The following RPH3A variants were observed in gnomAD, a reference collection of about 807,000 sequenced individuals.
RPH3A encodes the protein rabphilin-3A.
Under a neutral mutation model 102.2 loss-of-function variants are expected in RPH3A, and 48 were observed. That is an observed-to-expected ratio of 0.47 (90% confidence interval 0.37 to 0.60). The LOEUF (loss-of-function observed/expected upper bound fraction) is 0.60. Ranked by LOEUF, RPH3A falls within the 20% of genes least tolerant of loss-of-function variation. The pLI is 0.00. For synonymous variants in RPH3A, 310 were observed against 324.3 expected, an observed-to-expected ratio of 0.96 and a Z score of 0.47; for missense variants, 781 against 910.1, an observed-to-expected ratio of 0.86 and a Z score of 1.83.
chr12:112,732,692 A>T (rs1206635256), intron 1 of RPH3A, among the ~76,000 whole-genome samples: 1 of 152,184 alleles, frequency 6.6e-6, no homozygotes, highest in African/African-American at 2.4e-5. Flanking sequence ...TGGAGCTAGA[A>T]TGGCCCTCGA....
At position 112,855,872 on chromosome 12, in the gene RPH3A, G is replaced by A. The variant is rs3803058; in HGVS notation, c.230+8030G>A. ...GGGATTCTGGAATTGATGGTGTGGT[G>A]TGTGGTGTGTGTGTGTGAGAGACAG... is the stretch of plus-strand genomic sequence containing the variant. On this transcript the variant is annotated intron_variant, in intron 5 of 21. Transcript: ENST00000389385. Among the ~76,000 whole-genome samples, 12 of 152,254 alleles carry A rather than the reference G, an allele frequency of 7.9e-5. No homozygotes were observed. In the East Asian group the frequency reaches 1.9e-3, roughly 24 times the overall value.
At chr12:112,581,229 G>A (rs2039398523) in intron 1 of RPH3A, among the ~76,000 whole-genome samples, 1 of 152,150 alleles carries the variant, frequency 6.6e-6, no homozygotes, top group Non-Finnish European at 1.5e-5. Context: ...GACTGGGGAG[G>A]CCTCACAATC....
At chr12:112,632,531 A>G (rs1413686028) in intron 1 of RPH3A, among the ~76,000 whole-genome samples, 2 of 152,244 alleles carry the variant, frequency 1.3e-5, no homozygotes, top group African/African-American at 4.8e-5. Context: ...TGAATAAACC[A>G]CAAGGGTTCC....
intron 2 of RPH3A, among the ~76,000 whole-genome samples, chr12:112,820,017 A>T (rs2041750836): frequency 6.6e-6 from 1 of 152,236 alleles, no homozygotes; most frequent in African/African-American, 2.4e-5. Flanking sequence ...GGAGCTGAAA[A>T]GGACAAGGAT....
intron 1 of RPH3A, among the ~76,000 whole-genome samples, chr12:112,712,880 TTCTTCTTCTTCTTCTTCTTCTTCC>T (rs1565856613): frequency 2.0e-4 from 25 of 125,214 alleles, no homozygotes; most frequent in African/African-American, 7.7e-4. Flanking sequence ...TCACTTTTTT[TTCTTCTTCTTCTTCTTCTTCTTCC>T]TCTTCTTCTT....
In RPH3A at chr12:112,847,924, A is replaced by G; in HGVS notation, c.230+82A>G. On this transcript the variant is annotated intron_variant, in intron 5 of 21. Transcript: ENST00000389385. The stretch of plus-strand genomic sequence containing the variant: ...GGCTGGAGCAGGGCTTTGGCCTCAA[A>G]CGGGGTGTGCTGGGCTGCCTCTGGG... 6.6e-6 allele frequency: 10 copies of G among 1,504,570 alleles called. No individual in the cohort carries two copies. In the South Asian group the frequency reaches 1.3e-4, roughly 19 times the overall value. 93.2% of individuals were successfully genotyped at this position (1,504,570 alleles called of 1,614,324 possible). A position where few individuals can be genotyped will look rare whatever the true frequency, so the allele number is the denominator to read the frequency against.
chr12:112,845,703 T>G (rs1465353805), intron 4 of RPH3A, among the ~76,000 whole-genome samples: 1 of 152,208 alleles, frequency 6.6e-6, no homozygotes, highest in Admixed American at 6.5e-5. Context: ...TTTATGTACT[T>G]GCTGTCAGAG....
At chr12:112,871,852 A>G (rs1353349686) in intron 10 of RPH3A, among the ~76,000 whole-genome samples, 2 of 149,992 alleles carry the variant, frequency 1.3e-5, no homozygotes, top group South Asian at 2.1e-4. Context: ...TATACTATAT[A>G]TAGTGGTGTA....
In RPH3A at chr12:112,765,223, G is replaced by A. The variant is rs377451828; in HGVS notation, c.-139-26920G>A. Among the ~76,000 whole-genome samples the A allele has an allele frequency of 6.0e-5, 9 of 151,020 alleles. No homozygotes were observed. In the South Asian group the frequency reaches 1.9e-3, roughly 32 times the overall value. ...GATCATGGGAGTGGTGGGGAGGAAG[G>A]TGCAATGTTTCAGTCATGGTGATTG... On this transcript the variant is annotated intron_variant, in intron 1 of 21. Coordinates refer to the RPH3A transcript ENST00000543106.
rs77171497 is a variant in RPH3A, at chr12:112,685,754, G to C, written c.-139-106389G>C. On this transcript the variant is annotated intron_variant, in intron 1 of 21. Coordinates refer to the RPH3A transcript ENST00000543106. ...CACAGTGGCTTATCACTTGCCAGCA[G>C]CCACAGTGACTTATCTTGCACCTCT... Among the ~76,000 whole-genome samples, 32 of 152,324 alleles carry C rather than the reference G, an allele frequency of 2.1e-4. 1 individual carries two copies. The East Asian group carries it at 5.2e-3, about 25-fold the overall frequency.
At chr12:112,642,949 T>C (rs1049337750) in intron 1 of RPH3A, among the ~76,000 whole-genome samples, 2 of 152,100 alleles carry the variant, frequency 1.3e-5, no homozygotes, top group Non-Finnish European at 2.9e-5. Flanking sequence ...TGGCGTCTAG[T>C]GAGTAGAGGT....
chr12:112,619,286 G>C (rs867136253), intron 1 of RPH3A, among the ~76,000 whole-genome samples: 9 of 150,830 alleles, frequency 6.0e-5, no homozygotes, highest in Non-Finnish European at 1.2e-4. Context: ...GTGTGTGTGT[G>C]TGTGTGTGTG....
At chr12:112,656,945 A>AT (rs1158237425) in intron 1 of RPH3A, among the ~76,000 whole-genome samples, 2 of 151,898 alleles carry the variant, frequency 1.3e-5, no homozygotes, top group East Asian at 1.9e-4. Context: ...ATAATAATTT[A>AT]TTTTTTGGGG....
At chr12:112,837,786 T>TTCATGAA in intron 4 of RPH3A, 1 of 455,990 alleles carries the variant, frequency 2.2e-6, no homozygotes, top group South Asian at 1.5e-5. Flanking sequence ...TCTTAGAGGC[T>TTCATGAA]TCATGAATGC....
At chr12:112,612,633 C>T (rs1175945561) in intron 1 of RPH3A, among the ~76,000 whole-genome samples, 4 of 146,918 alleles carry the variant, frequency 2.7e-5, no homozygotes, top group Admixed American at 6.9e-5. Context: ...GACGTGATCT[C>T]GGCTCCCTGC....
rs1248184954 is a variant in RPH3A at position 112,791,908 on chromosome 12, C to CGAGAGAGAGAG, written c.-244_-243insGAGAGAGAGAG. On this transcript the variant is annotated 5_prime_UTR_variant, in exon 1 of 22. Coordinates refer to ENST00000389385, the MANE Select transcript of RPH3A (RefSeq NM_001143854.2). ...AGAGAGAGAGAGAGAGAGAGAGACT[C>CGAGAGAGAGAG]ACAGAGCTAAAACCTTCATCCATGT... The CGAGAGAGAGAG allele has an allele frequency of 4.7e-4, 7 of 14,958 alleles. No homozygotes were observed. Among genetic ancestry groups the CGAGAGAGAGAG allele is most frequent in the South Asian group, 1.7e-3 (1 of 600 alleles). The allele number at this position is 14,958 out of a possible 1,614,324, so 0.9% of individuals were successfully genotyped here.
intron 1 of RPH3A, among the ~76,000 whole-genome samples, chr12:112,668,656 C>T (rs984074093): frequency 2.0e-4 from 30 of 151,938 alleles, no homozygotes; most frequent in African/African-American, 6.8e-4. Flanking sequence ...CCAGGCCTGT[C>T]GGGTGGTGGG....
intron 5 of RPH3A, chr12:112,851,005 A>G (rs2042313892): frequency 6.6e-6 from 1 of 152,218 alleles, no homozygotes; most frequent in Non-Finnish European, 1.5e-5. Flanking sequence ...TGTGTCCCTT[A>G]CTGGGTCCAG....
At chr12:112,829,509 T>C (rs2041934337) in intron 3 of RPH3A, among the ~76,000 whole-genome samples, 2 of 152,148 alleles carry the variant, frequency 1.3e-5, no homozygotes, top group Admixed American at 6.5e-5. Flanking sequence ...TGGGCTCAAG[T>C]GATCCTCCTG....
Sources: gnomAD v4.1 joint callset for allele counts (sites outside exome capture counted in the v4.1 genomes callset) on GRCh38, gnomAD v4.1.1 for gene constraint, MANE v1.5 for transcripts, NCBI Gene and HGNC (gene_info 2026-07-23, HGNC 2026-07-21) for gene names.